The following SEZ6 variants were observed in gnomAD, a reference collection of about 807,000 sequenced individuals.
SEZ6 encodes seizure related 6 homolog, also known as seizure protein 6 homolog.
A neutral mutation model predicts 101.0 loss-of-function variants in SEZ6; 53 were observed. The observed-to-expected ratio is 0.52, with a 90% CI of 0.42 to 0.66. The LOEUF is 0.66. Among genes scored for constraint, SEZ6 ranks in the 30% least tolerant of loss-of-function variants. The pLI is 0.00. For synonymous variants in SEZ6, 488 were observed against 512.2 expected (o/e 0.95, Z 0.64); for missense variants, 1,102 against 1,289.4 (o/e 0.85, Z 2.23).
At chr17:29,002,576 G>A (rs563080291) in intron 1 of SEZ6, among the ~76,000 whole-genome samples, 1 of 152,300 alleles carries the variant, frequency 6.6e-6, no homozygotes, top group East Asian at 1.9e-4. Flanking sequence ...GTGGGTGGGG[G>A]TGTGCTCCTG....
intron 4 of SEZ6, among the ~76,000 whole-genome samples, chr17:28,967,014 G>A (rs1214149110): frequency 2.6e-5 from 4 of 152,176 alleles, no homozygotes; most frequent in South Asian, 2.1e-4. Context: ...TCTTCCCTAC[G>A]TGCTGTGCCA....
intron 1 of SEZ6, among the ~76,000 whole-genome samples, chr17:28,995,423 G>T (rs11080075): frequency 0.16 from 23,990 of 152,014 alleles, 2,134 homozygotes; most frequent in South Asian, 0.33. Flanking sequence ...GAGCGCTAAG[G>T]TTTCTGGGCA....
intron 1 of SEZ6, among the ~76,000 whole-genome samples, chr17:28,999,424 C>A (rs1435189364): frequency 2.0e-5 from 3 of 152,200 alleles, no homozygotes; most frequent in African/African-American, 4.8e-5. Context: ...CACCCTACCC[C>A]CTCCCTTCCT....
intron 1 of SEZ6, among the ~76,000 whole-genome samples, chr17:28,983,421 A>G (rs2041337157): frequency 6.6e-6 from 1 of 152,120 alleles, no homozygotes; most frequent in African/African-American, 2.4e-5. Flanking sequence ...TTTCTTGCTA[A>G]GGCCACCTGG....
chr17:28,969,035 C>T (rs2041111613), intron 4 of SEZ6, among the ~76,000 whole-genome samples: 1 of 152,196 alleles, frequency 6.6e-6, no homozygotes, highest in Non-Finnish European at 1.5e-5. Context: ...TTAATCCTAA[C>T]CATGACTTTG....
chr17:28,956,149 G>A lies in SEZ6; in HGVS notation c.2952+10C>T, dbSNP rs1336476628. 5 of 1,607,076 alleles carry A rather than the reference G, an allele frequency of 3.1e-6. No homozygotes were observed. The highest frequency in any genetic ancestry group is 1.4e-5 in the African/African-American group (1 of 73,986). On this transcript the variant is annotated intron_variant, in intron 16 of 16. Transcript: ENST00000317338. The stretch of plus-strand genomic sequence containing the variant: ...TTGGATAGGGTGGCAAGGCTGGCAT[G>A]GTTACTTACTCCAGTCTCGTAAGTT...
chr17:28,972,395 T>C (rs966652619), intron 3 of SEZ6, among the ~76,000 whole-genome samples: 4 of 152,224 alleles, frequency 2.6e-5, no homozygotes, highest in Non-Finnish European at 4.4e-5. Flanking sequence ...ATATGGCTGC[T>C]GCGAGGCTCA....
intron 1 of SEZ6, among the ~76,000 whole-genome samples, chr17:29,003,305 C>A (rs2041639895): frequency 6.6e-6 from 1 of 152,212 alleles, no homozygotes; most frequent in African/African-American, 2.4e-5. Context: ...CAAGACGCCC[C>A]TGATGCCTGA....
intron 5 of SEZ6, 53 bp downstream of exon 5, chr17:28,963,909 G>A (rs1328289402): frequency 6.4e-7 from 1 of 1,556,484 alleles, no homozygotes; most frequent in South Asian, 1.2e-5. Flanking sequence ...GCAGGGATGA[G>A]CCCCCACCTC....
At chr17:28,966,184 TAA>T (rs1368332701) in intron 4 of SEZ6, among the ~76,000 whole-genome samples, 1 of 141,526 alleles carries the variant, frequency 7.1e-6, no homozygotes, top group Non-Finnish European at 1.5e-5. Context: ...TAAAATAAAA[TAA>T]AAGTGAAGAT....
intron 1 of SEZ6, among the ~76,000 whole-genome samples, chr17:28,990,777 G>A (rs538254620): frequency 3.3e-5 from 5 of 151,630 alleles, no homozygotes; most frequent in Admixed American, 1.3e-4. Flanking sequence ...GAAGACTCCC[G>A]AATAATAGTA....
At position 28,958,150 on chromosome 17, in the gene SEZ6, A is replaced by G. The variant is rs1339289918; in HGVS notation, c.2108-9T>C. The G allele has an allele frequency of 6.3e-7, 1 of 1,582,904 alleles. No homozygotes were observed. Among genetic ancestry groups the G allele is most frequent in the Admixed American group, 1.7e-5 (1 of 59,188 alleles). On this transcript the variant is annotated splice_polypyrimidine_tract_variant and intron_variant, in intron 10 of 16. Coordinates refer to ENST00000317338, the MANE Select transcript of SEZ6 (RefSeq NM_178860.5). The stretch of plus-strand genomic sequence containing the variant: ...GTCATTGCGGGGCACCTCTGGGGGC[A>G]CAGAGGCACAAGATGCAGGCCCTCG...
chr17:29,005,396 G>T lies in SEZ6; in HGVS notation c.55+419C>A, dbSNP rs2041673778. On this transcript the variant is annotated intron_variant, in intron 1 of 16. Coordinates refer to ENST00000317338, the MANE Select transcript of SEZ6 (RefSeq NM_178860.5). This position sits in a 1 kb window ranked among gnomAD's most constrained non-coding sequence, Gnocchi z 4.8. ...AAAGTCGAGCGAAGTTTGGCGGGCG[G>T]CAGGGGAAGCGGGACCACGGGCCGC... Among the ~76,000 whole-genome samples, 1 of 152,112 alleles carries T rather than the reference G, an allele frequency of 6.6e-6. No homozygotes were observed. The highest frequency in any genetic ancestry group is 2.1e-4 in the South Asian group (1 of 4,826).
At chr17:28,979,905 G>GTC in intron 2 of SEZ6, 92 bp from the exon 3 acceptor site, 1 of 1,312,970 alleles carries the variant, frequency 7.6e-7, no homozygotes, top group Non-Finnish European at 1.0e-6. Context: ...GTGTGTGTGT[G>GTC]TGTGTGTGTG....
chr17:28,999,659 A>G (rs545112527), intron 1 of SEZ6, among the ~76,000 whole-genome samples: 1 of 152,304 alleles, frequency 6.6e-6, no homozygotes, highest in South Asian at 2.1e-4. Context: ...GGCAGCAGGT[A>G]GGCAGGTGGA....
At position 29,002,465 on chromosome 17, in the gene SEZ6, G is replaced by T. The variant is rs373986080; in HGVS notation, c.55+3350C>A. On this transcript the variant is annotated intron_variant, in intron 1 of 16. Transcript: ENST00000317338. ...TGAGGAGGCCAGGATGGCCGCCAGG[G>T]CCTGCCAAGCTTAGACCTATGAGGA... Among the ~76,000 whole-genome samples the T allele has an allele frequency of 1.9e-4, 29 of 152,300 alleles. No homozygotes were observed. In the East Asian group the frequency reaches 3.9e-3, roughly 20 times the overall value.
At position 28,979,819 on chromosome 17, in the gene SEZ6, A is replaced by G; in HGVS notation, c.725-6T>C. 6.2e-7 allele frequency: 1 copy of G among 1,604,318 alleles called. No individual in the cohort carries two copies. The highest frequency in any genetic ancestry group is 8.5e-7 in the Non-Finnish European group (1 of 1,175,312). On this transcript the variant is annotated splice_polypyrimidine_tract_variant and splice_region_variant and intron_variant, in intron 2 of 16. Coordinates refer to ENST00000317338, the MANE Select transcript of SEZ6 (RefSeq NM_178860.5). Reference sequence around the variant, plus strand: ...GAAATTCCAGCTACAAGGGCCTGGGAGGCAGGAGGAGACACAAAGCTAGTG... The same window carrying G: ...GAAATTCCAGCTACAAGGGCCTGGGGGGCAGGAGGAGACACAAAGCTAGTG...
chr17:28,959,236 C>T lies in SEZ6; in HGVS notation c.1911-15G>A, dbSNP rs375734533. On this transcript the variant is annotated splice_polypyrimidine_tract_variant and intron_variant, in intron 9 of 16. Coordinates refer to ENST00000317338, the MANE Select transcript of SEZ6 (RefSeq NM_178860.5). This position sits in a 1 kb window ranked among gnomAD's most constrained non-coding sequence, Gnocchi z 4.4. ...CTATGCGCAGCCTGTGAAGGAGGAGCGTCAGGGCAGAGCCGGCCTGGGGGC... is the reference window on the plus strand; with the variant it reads ...CTATGCGCAGCCTGTGAAGGAGGAGTGTCAGGGCAGAGCCGGCCTGGGGGC... 5.3e-4 allele frequency: 858 copies of T among 1,612,010 alleles called. 4 individuals carry two copies. The Middle Eastern group carries it at 5.4e-3, about 10-fold the overall frequency.
chr17:28,996,152 T>C (rs2041535510), intron 1 of SEZ6, among the ~76,000 whole-genome samples: 1 of 150,058 alleles, frequency 6.7e-6, no homozygotes, highest in South Asian at 2.3e-4. Flanking sequence ...AGCGGGTGCC[T>C]GTAGTCCCAG....
Sources: allele counts gnomAD v4.1 joint callset (sites outside exome capture counted in the v4.1 genomes callset), GRCh38; gene constraint gnomAD v4.1.1; non-coding constraint Gnocchi (gnomAD v3.1); transcripts MANE v1.5; gene names NCBI Gene and HGNC (gene_info 2026-07-23, HGNC 2026-07-21).